The following EPM2A variants were observed in gnomAD, a reference collection of about 807,000 sequenced individuals.
EPM2A encodes EPM2A glucan phosphatase, laforin.
Under a neutral mutation model 26.5 loss-of-function variants are expected in EPM2A, and 21 were observed. The ratio of observed to expected loss-of-function variants is 0.79; its 90% confidence interval spans 0.56 to 1.14. The LOEUF is 1.14. Ranked by LOEUF, EPM2A falls within the 50% of genes most tolerant of loss-of-function variation. EPM2A has a pLI of 0.00. For missense variants in EPM2A, 458 were observed against 440.8 expected (o/e 1.04, Z -0.35); for synonymous variants, 217 against 177.6 (o/e 1.22, Z -1.76).
chr6:145,431,310 T>C (rs1778919102), intron 4 of EPM2A, among the ~76,000 whole-genome samples: 1 of 152,182 alleles, frequency 6.6e-6, no homozygotes, highest in Non-Finnish European at 1.5e-5. Flanking sequence ...GATTGCATCC[T>C]GAATGGATGA....
chr6:145,698,886 C>T (rs1397201999), intron 1 of EPM2A, among the ~76,000 whole-genome samples: 3 of 152,060 alleles, frequency 2.0e-5, no homozygotes, highest in African/African-American at 7.2e-5. Flanking sequence ...GAGGAAACAC[C>T]GTAAGGATAC....
Position 145,433,681 on chromosome 6 carries a change from T to C in EPM2A, c.556-49584A>G, listed in dbSNP as rs1034056635. Among the ~76,000 whole-genome samples, 20 of 152,178 alleles carry C rather than the reference T, an allele frequency of 1.3e-4. 1 individual carries two copies. Among genetic ancestry groups the C allele is most frequent in the African/African-American group, 3.6e-4 (15 of 41,454 alleles). Reference sequence around the variant, plus strand: ...GGAAACTGAGACTTCCAGTGAAACATTGTATAACAGATCCAATTTTTTCCC... The same window carrying C: ...GGAAACTGAGACTTCCAGTGAAACACTGTATAACAGATCCAATTTTTTCCC... On this transcript the variant is annotated intron_variant, in intron 4 of 4. Coordinates refer to the EPM2A transcript ENST00000638717.
chr6:145,599,215 T>C (rs1382209154), intron 2 of EPM2A, among the ~76,000 whole-genome samples: 2 of 152,194 alleles, frequency 1.3e-5, no homozygotes, highest in Non-Finnish European at 2.9e-5. Flanking sequence ...ATCATGTTAA[T>C]GATATTGATT....
At chr6:145,721,154 C>T (rs1644596538) in intron 1 of EPM2A, 2 of 152,098 alleles carry the variant, frequency 1.3e-5, no homozygotes, top group Admixed American at 1.3e-4. Context: ...CAGAGCCAGA[C>T]CCTGTCAAAT....
chr6:145,509,726 T>A (rs540833397), intron 2 of EPM2A, among the ~76,000 whole-genome samples: 2 of 152,236 alleles, frequency 1.3e-5, no homozygotes, highest in African/African-American at 4.8e-5. Flanking sequence ...ACAAAACCAC[T>A]ATATCAATAT....
intron 2 of EPM2A, among the ~76,000 whole-genome samples, chr6:145,575,840 GA>G (rs1781023645): frequency 6.6e-6 from 1 of 152,146 alleles, no homozygotes. Flanking sequence ...ACCAATGAAA[GA>G]ACTCCATTCT....
At chr6:145,728,509 G>C (rs147236159) in intron 1 of EPM2A, among the ~76,000 whole-genome samples, 405 of 152,306 alleles carry the variant, frequency 2.7e-3, no homozygotes, top group African/African-American at 8.9e-3. Context: ...TGGCAGCATT[G>C]TGCTCCTGCT....
At chr6:145,696,863 A>G (rs938383636) in intron 1 of EPM2A, among the ~76,000 whole-genome samples, 1 of 149,658 alleles carries the variant, frequency 6.7e-6, no homozygotes, top group Non-Finnish European at 1.5e-5. Context: ...TACTATGATT[A>G]TTGTTATTTT....
chr6:145,581,550 T>C (rs1438393922), intron 2 of EPM2A, among the ~76,000 whole-genome samples: 2 of 152,214 alleles, frequency 1.3e-5, no homozygotes, highest in African/African-American at 4.8e-5. Context: ...TTTTGGCATC[T>C]TTGTCATGAA....
intron 1 of EPM2A, among the ~76,000 whole-genome samples, chr6:145,730,888 A>C (rs1776451061): frequency 6.6e-6 from 1 of 152,188 alleles, no homozygotes; most frequent in Non-Finnish European, 1.5e-5. Flanking sequence ...CAGCCTGGAG[A>C]GGAGTTGAAA....
intron 2 of EPM2A, among the ~76,000 whole-genome samples, chr6:145,539,462 G>A (rs750430723): frequency 2.0e-5 from 3 of 152,182 alleles, no homozygotes; most frequent in Non-Finnish European, 4.4e-5. Context: ...GGGCCTAAAT[G>A]TAAGGATTTG....
chr6:145,564,157 A>T (rs540610701), intron 2 of EPM2A, among the ~76,000 whole-genome samples: 27 of 151,776 alleles, frequency 1.8e-4, no homozygotes, highest in Middle Eastern at 6.9e-3. Flanking sequence ...GACGCAATTT[A>T]AAAAAAAATA....
Position 145,594,330 on chromosome 6 carries a change from A to G in EPM2A, c.340+40915T>C, listed in dbSNP as rs1334993170. ...ATAAGGTTCATTTCTTATTGAAAGA[A>G]TTGGTAGAATTTAAACTTGTTCATT... On this transcript the variant is annotated intron_variant, in intron 2 of 3. Coordinates refer to the EPM2A transcript ENST00000450221. 2.0e-5 allele frequency among the ~76,000 whole-genome samples: 3 copies of G among 151,946 alleles called. No individual in the cohort carries two copies. In the East Asian group the frequency reaches 5.8e-4, roughly 29 times the overall value.
chr6:145,678,340 G>C (rs926006858), intron 2 of EPM2A, among the ~76,000 whole-genome samples: 9 of 152,184 alleles, frequency 5.9e-5, no homozygotes, highest in African/African-American at 2.2e-4. Flanking sequence ...ACAGGCATGG[G>C]CAAGGACTTA....
intron 4 of EPM2A, among the ~76,000 whole-genome samples, chr6:145,423,472 A>G (rs185315989): frequency 2.4e-3 from 363 of 152,338 alleles, no homozygotes; most frequent in Middle Eastern, 0.017. Context: ...ATGTCCTGTC[A>G]TATGGAAGGG....
exon 5 of EPM2A, chr6:145,383,949 A>G (rs1207955426): frequency 2.0e-5 from 3 of 152,200 alleles, no homozygotes; most frequent in African/African-American, 4.8e-5. Context: ...TAATGTTGTC[A>G]TTAAATAATG....
At chr6:145,393,372 T>C (rs748106697) in intron 4 of EPM2A, among the ~76,000 whole-genome samples, 28 of 152,090 alleles carry the variant, frequency 1.8e-4, no homozygotes, top group Non-Finnish European at 3.8e-4. Context: ...TCACAGATTG[T>C]TATTTTTACA....
intron 2 of EPM2A, among the ~76,000 whole-genome samples, chr6:145,536,210 A>G (rs557465303): frequency 1.3e-5 from 2 of 151,960 alleles, no homozygotes; most frequent in South Asian, 2.1e-4. Flanking sequence ...TAGGATAAGA[A>G]GTTTGATAGT....
chr6:145,393,204 A>G (rs1778360687), intron 4 of EPM2A, among the ~76,000 whole-genome samples: 1 of 152,114 alleles, frequency 6.6e-6, no homozygotes, highest in Non-Finnish European at 1.5e-5. Flanking sequence ...CTCAAAAACA[A>G]CAGAAAAGGA....
Sources: gnomAD v4.1 joint callset for allele counts (sites outside exome capture counted in the v4.1 genomes callset) on GRCh38, gnomAD v4.1.1 for gene constraint, MANE v1.5 for transcripts, NCBI Gene and HGNC (gene_info 2026-07-23, HGNC 2026-07-21) for gene names.